SPG7: variants seen among roughly 807,000 people sequenced by gnomAD.
The protein encoded by SPG7 is mitochondrial inner membrane m-AAA protease component paraplegin.
A neutral mutation model predicts 81.9 loss-of-function variants in SPG7; 103 were observed. The ratio of observed to expected loss-of-function variants is 1.26; its 90% confidence interval spans 1.07 to 1.48. The LOEUF is 1.48. Among genes scored for constraint, SPG7 ranks in the 40% most tolerant of loss-of-function variants. The probability of loss-of-function intolerance (pLI) is 0.00; values close to 1 mark genes in which losing one functional copy is unlikely to be tolerated. For missense variants in SPG7, 1,241 were observed against 1,087.3 expected, an observed-to-expected ratio of 1.14 and a Z score of -1.99; for synonymous variants, 534 against 444.2, an observed-to-expected ratio of 1.20 and a Z score of -2.54.
rs572886376 is a variant in SPG7 at position 89,535,281 on chromosome 16, G to A, written c.1324+2645G>A. ...GGTGCTCCATGTTCCCTGTGCTGGC[G>A]CCCGTCTCTTCTGGGTGCCCCGCGT... On this transcript the variant is annotated intron_variant, in intron 9 of 16. Coordinates refer to ENST00000645818, the MANE Select transcript of SPG7 (RefSeq NM_003119.4). Among the ~76,000 whole-genome samples the A allele has an allele frequency of 2.1e-4, 32 of 152,286 alleles. 1 individual carries two copies. Among genetic ancestry groups the A allele is most frequent in the Non-Finnish European group, 3.2e-4 (22 of 68,022 alleles).
At position 89,536,578 on chromosome 16, in the gene SPG7, AGGCG is replaced by A. The variant is rs1192447749; in HGVS notation, c.1324+3945_1324+3948del. On this transcript the variant is annotated intron_variant, in intron 9 of 16. Coordinates refer to ENST00000645818, the MANE Select transcript of SPG7 (RefSeq NM_003119.4). ...GAGGTGAGGCGGGTGAGGTCAGGTGAGGCGGGTGAGGTGAGGCAGGTGAGGTGAG... is the reference window on the plus strand; with the variant it reads ...GAGGTGAGGCGGGTGAGGTCAGGTGAGGTGAGGTGAGGCAGGTGAGGTGAG... Among the ~76,000 whole-genome samples, 239 of 61,516 alleles carry A rather than the reference AGGCG, an allele frequency of 3.9e-3. 9 individuals are homozygous for A. The highest frequency in any genetic ancestry group is 0.013 in the African/African-American group (212 of 16,098). 40.4% of individuals were successfully genotyped at this position (61,516 alleles called of 152,430 possible).
intron 12 of SPG7, 94 bp downstream of exon 12, chr16:89,548,207 C>T: frequency 1.2e-6 from 1 of 843,162 alleles, no homozygotes; most frequent in Non-Finnish European, 2.0e-6. Context: ...GTGGATGGAA[C>T]CATCACACAG....
Position 89,548,288 on chromosome 16 carries a change from T to C in SPG7, c.1663+175T>C, listed in dbSNP as rs557403732. 2.0e-5 allele frequency: 12 copies of C among 590,238 alleles called. No homozygotes were observed. In the South Asian group the frequency reaches 2.2e-4, roughly 11 times the overall value. The allele number at this position is 590,238 out of a possible 1,614,324, so 36.6% of individuals were successfully genotyped here. On this transcript the variant is annotated intron_variant, in intron 12 of 16. Coordinates refer to ENST00000645818, the MANE Select transcript of SPG7 (RefSeq NM_003119.4). ...ATGATACCTTGTACTTTTCCTTAGT[T>C]TAAAATATCACAGATTTACCTAAGA... is the stretch of plus-strand genomic sequence containing the variant.
At position 89,536,634 on chromosome 16, in the gene SPG7, A is replaced by G. The variant is rs1212729440; in HGVS notation, c.1324+3998A>G. The G allele has an allele frequency of 4.0e-5, 39 of 965,200 alleles. No homozygotes were observed. The African/African-American group carries it at 9.7e-4, about 24-fold the overall frequency. 59.8% of individuals were successfully genotyped at this position (965,200 alleles called of 1,614,324 possible). On this transcript the variant is annotated intron_variant, in intron 9 of 16. Transcript: ENST00000645818. Reference sequence around the variant, plus strand: ...TGGGTGAGGCGGGTGAGGGCGGGTGAGGCGGGCGAGGTGGGCGAGGCAGGC... The same window carrying G: ...TGGGTGAGGCGGGTGAGGGCGGGTGGGGCGGGCGAGGTGGGCGAGGCAGGC...
intron 12 of SPG7, chr16:89,548,415 A>C: frequency 4.3e-5 from 15 of 350,846 alleles, no homozygotes; most frequent in East Asian, 2.2e-4. Flanking sequence ...AAAACTAAAA[A>C]TGTCTTGCCA....
intron 1 of SPG7, 27 bp downstream of exon 1, chr16:89,508,627 A>T: frequency 7.0e-7 from 1 of 1,432,888 alleles, no homozygotes; most frequent in South Asian, 1.4e-5. Flanking sequence ...TCCGGGCCCC[A>T]CCTCCCGCCC....
At chr16:89,512,866 A>T in intron 2 of SPG7, 82 bp from the exon 3 acceptor site, 2 of 1,500,266 alleles carry the variant, frequency 1.3e-6, no homozygotes, top group South Asian at 1.1e-5. Context: ...TGCTTTGGTT[A>T]TTTAGGAGTA....
chr16:89,551,226 CT>C, intron 13 of SPG7: 1 of 177,226 alleles, frequency 5.6e-6, no homozygotes, highest in East Asian at 1.4e-4. Flanking sequence ...CAGGTGCCGT[CT>C]TTACAGTGGA....
At chr16:89,555,593 T>C in intron 16 of SPG7, 4 of 311,036 alleles carry the variant, frequency 1.3e-5, no homozygotes, top group Non-Finnish European at 1.8e-5. Flanking sequence ...TGATCGCCCA[T>C]CTTCTTAGGC....
chr16:89,547,737 T>C, intron 11 of SPG7: 1 of 429,712 alleles, frequency 2.3e-6, no homozygotes, highest in Middle Eastern at 7.2e-4. Context: ...CTCAGCCTCC[T>C]GAGTAGCTGG....
At chr16:89,535,310 C>T (rs942553256) in intron 9 of SPG7, among the ~76,000 whole-genome samples, 2 of 152,196 alleles carry the variant, frequency 1.3e-5, no homozygotes, top group African/African-American at 4.8e-5. Flanking sequence ...CCCGCGTTCC[C>T]GTCTGCCTCT....
chr16:89,531,707 G>A (rs551048238), intron 7 of SPG7, 197 bp from the exon 8 acceptor site: 1 of 610,674 alleles, frequency 1.6e-6, no homozygotes, highest in East Asian at 2.8e-5. Context: ...TGGGCGTGGT[G>A]CCACATGCCT....
chr16:89,516,317 A>C (rs968735371), intron 3 of SPG7, among the ~76,000 whole-genome samples: 1 of 151,736 alleles, frequency 6.6e-6, no homozygotes, highest in Non-Finnish European at 1.5e-5. Context: ...GAAGAAAGTT[A>C]GATCACTTGG....
chr16:89,550,330 A>T, intron 12 of SPG7, 164 bp from the exon 13 acceptor site: 1 of 631,866 alleles, frequency 1.6e-6, no homozygotes, highest in East Asian at 3.0e-5. Flanking sequence ...CCGCCATCAC[A>T]CCTAGCTAAT....
intron 9 of SPG7, among the ~76,000 whole-genome samples, chr16:89,534,569 G>A (rs183674646): frequency 3.3e-5 from 5 of 152,342 alleles, no homozygotes; most frequent in African/African-American, 9.6e-5. Flanking sequence ...CGAGAGAGCC[G>A]TTGACTTCCT....
intron 4 of SPG7, among the ~76,000 whole-genome samples, chr16:89,525,431 C>A (rs1188983061): frequency 6.6e-6 from 1 of 152,170 alleles, no homozygotes; most frequent in African/African-American, 2.4e-5. Flanking sequence ...AGACGAGTCA[C>A]CTGATAAAAC....
At chr16:89,526,726 G>T in intron 5 of SPG7, 1 of 438,536 alleles carries the variant, frequency 2.3e-6, no homozygotes, top group East Asian at 5.0e-5. Context: ...AGCCCCTGGT[G>T]TAGGATGCTG....
chr16:89,547,407 G>C (rs2058577111), intron 11 of SPG7: 1 of 179,048 alleles, frequency 5.6e-6, no homozygotes, highest in Non-Finnish European at 1.2e-5. Flanking sequence ...GATGGAGCCT[G>C]GCGGTTCTGT....
chr16:89,536,634 A>C (rs1212729440), intron 9 of SPG7: 2 of 965,262 alleles, frequency 2.1e-6, no homozygotes, highest in Non-Finnish European at 3.0e-6. Flanking sequence ...AGGGCGGGTG[A>C]GGCGGGCGAG....
Sources: gnomAD v4.1 joint callset for allele counts (sites outside exome capture counted in the v4.1 genomes callset) on GRCh38, gnomAD v4.1.1 for gene constraint, MANE v1.5 for transcripts, NCBI Gene and HGNC (gene_info 2026-07-23, HGNC 2026-07-21) for gene names.